Variants in MGME1 observed in about 807,000 individuals in gnomAD.
The protein encoded by MGME1 is mitochondrial genome maintenance exonuclease 1.
Under a neutral mutation model 33.0 loss-of-function variants are expected in MGME1, and 22 were observed. The ratio of observed to expected loss-of-function variants is 0.67; its 90% CI spans 0.48 to 0.95. MGME1 has a LOEUF of 0.95. Among genes scored for constraint, MGME1 ranks in the 40% least tolerant of loss-of-function variants. The pLI is 0.00. For synonymous variants in MGME1, 133 were observed against 144.0 expected, an observed-to-expected ratio of 0.92 and a Z score of 0.55; for missense variants, 383 against 397.8, an observed-to-expected ratio of 0.96 and a Z score of 0.32.
intron 2 of MGME1, among the ~76,000 whole-genome samples, chr20:17,975,259 A>G (rs544983855): frequency 6.6e-6 from 1 of 152,026 alleles, no homozygotes; most frequent in Non-Finnish European, 1.5e-5. Context: ...TCACTTAAAA[A>G]TAACTAATGT....
intron 4 of MGME1, among the ~76,000 whole-genome samples, chr20:17,988,712 A>T (rs2122629457): frequency 6.6e-6 from 1 of 152,136 alleles, no homozygotes; most frequent in South Asian, 2.1e-4. Flanking sequence ...GTAAAAAAAA[A>T]AAAAGTTAAA....
chr20:17,986,565 GCC>G (rs991275048), intron 3 of MGME1, among the ~76,000 whole-genome samples: 1 of 151,778 alleles, frequency 6.6e-6, no homozygotes, highest in Non-Finnish European at 1.5e-5. Context: ...TCACCATGTT[GCC>G]CAGGCTGGTC....
chr20:17,973,233 A>C (rs1353181607), intron 2 of MGME1, among the ~76,000 whole-genome samples: 3 of 152,178 alleles, frequency 2.0e-5, no homozygotes, highest in African/African-American at 7.2e-5. Context: ...AATCCCAGCT[A>C]CTACGGAGGC....
At chr20:17,974,862 A>G (rs1283499767) in intron 2 of MGME1, among the ~76,000 whole-genome samples, 3 of 151,970 alleles carry the variant, frequency 2.0e-5, no homozygotes, top group Non-Finnish European at 4.4e-5. Flanking sequence ...CATAATATCA[A>G]ATTCATAACT....
intron 4 of MGME1, 58 bp from the exon 5 acceptor site, chr20:17,989,881 G>A (rs545627603): frequency 5.2e-6 from 8 of 1,529,546 alleles, no homozygotes; most frequent in Middle Eastern, 1.7e-4. Flanking sequence ...AGAAGGAAAC[G>A]AACCTAAACT....
At chr20:17,972,591 G>C in intron 2 of MGME1, 1 of 880,460 alleles carries the variant, frequency 1.1e-6, no homozygotes, top group Non-Finnish European at 1.4e-6. Context: ...TACTTTGAGT[G>C]AATAAGCAGA....
intron 3 of MGME1, among the ~76,000 whole-genome samples, chr20:17,985,615 A>G (rs959384440): frequency 2.0e-5 from 3 of 152,206 alleles, no homozygotes; most frequent in African/African-American, 7.2e-5. Flanking sequence ...AATCACCCAG[A>G]GCAACTTCTA....
intron 4 of MGME1, among the ~76,000 whole-genome samples, chr20:17,989,046 A>T (rs1196459478): frequency 6.6e-6 from 1 of 151,630 alleles, no homozygotes; most frequent in East Asian, 2.0e-4. Context: ...CCGAGATTGT[A>T]CCACTGCACT....
rs16978668 is a variant in MGME1, at chr20:17,969,488, C to A, written c.-59-313C>A. On this transcript the variant is annotated intron_variant, in intron 1 of 4. Transcript: ENST00000377710. ...CGTCTGTCACCTAGGACTGTGTGGC[C>A]GCCATGGGACGGGCTCCATCTTTGT... Among the ~76,000 whole-genome samples, 23 of 152,300 alleles carry A rather than the reference C, an allele frequency of 1.5e-4. No individual in the cohort carries two copies. The East Asian group carries it at 3.1e-3, about 20-fold the overall frequency.
At position 17,990,417 on chromosome 20, in the gene MGME1, G is replaced by GGC; in HGVS notation, c.*309_*310insCG. On this transcript the variant is annotated 3_prime_UTR_variant, in exon 5 of 5. Coordinates refer to ENST00000377710, the MANE Select transcript of MGME1 (RefSeq NM_052865.4). ...TACTCCCTTGAGGGACATTGGGGGGGGGGGGGCGTGGTCCCAGGCAGGATG... is the reference window on the plus strand; with the variant it reads ...TACTCCCTTGAGGGACATTGGGGGGGGCGGGGGGCGTGGTCCCAGGCAGGATG... 1 of 340,108 alleles carries GGC rather than the reference G, an allele frequency of 2.9e-6. No individual in the cohort carries two copies. Among genetic ancestry groups the GGC allele is most frequent in the South Asian group, 3.6e-5 (1 of 27,878 alleles). 21.1% of individuals were successfully genotyped at this position (340,108 alleles called of 1,614,324 possible). A position where few individuals can be genotyped will look rare whatever the true frequency, so the allele number is the denominator to read the frequency against.
chr20:17,985,353 G>A (rs1241115601), intron 3 of MGME1, among the ~76,000 whole-genome samples: 1 of 152,192 alleles, frequency 6.6e-6, no homozygotes, highest in Non-Finnish European at 1.5e-5. Context: ...AACCTGGGAG[G>A]TGGAGGTTGC....
rs952003356 is a variant in MGME1 at position 17,983,832 on chromosome 20, A to G, written c.732-4334A>G. 7.2e-5 allele frequency among the ~76,000 whole-genome samples: 11 copies of G among 152,226 alleles called. No homozygotes were observed. The East Asian group carries it at 1.9e-3, about 27-fold the overall frequency. ...ATTTAGTTGTTTGAGTTCCTTATAT[A>G]CTTTGGATATTATCCCCTTATCAGA... On this transcript the variant is annotated intron_variant, in intron 3 of 4. Coordinates refer to ENST00000377710, the MANE Select transcript of MGME1 (RefSeq NM_052865.4).
intron 2 of MGME1, among the ~76,000 whole-genome samples, chr20:17,974,603 C>G (rs1244282528): frequency 6.6e-6 from 1 of 152,086 alleles, no homozygotes. Context: ...TGAAATTTCT[C>G]TAGTATTCAC....
intron 4 of MGME1, 65 bp downstream of exon 4, chr20:17,988,363 C>A: frequency 6.5e-7 from 1 of 1,549,854 alleles, no homozygotes; most frequent in South Asian, 1.2e-5. Context: ...AACTCCGGGC[C>A]GGGCGCAGTG....
intron 3 of MGME1, among the ~76,000 whole-genome samples, chr20:17,983,151 C>T (rs1296271260): frequency 6.6e-6 from 1 of 152,108 alleles, no homozygotes; most frequent in Non-Finnish European, 1.5e-5. Flanking sequence ...TAAATGAAAT[C>T]ATGCAGTATT....
At chr20:17,980,355 T>C (rs1449074884) in intron 3 of MGME1, among the ~76,000 whole-genome samples, 3 of 151,840 alleles carry the variant, frequency 2.0e-5, no homozygotes, top group Admixed American at 1.3e-4. Flanking sequence ...TAATATGCTA[T>C]TAAGAGTAAC....
intron 3 of MGME1, among the ~76,000 whole-genome samples, chr20:17,984,152 AT>A (rs1568614822): frequency 2.0e-5 from 3 of 152,160 alleles, no homozygotes; most frequent in Non-Finnish European, 2.9e-5. Flanking sequence ...TCCTAACACA[AT>A]TGACAAAACA....
intron 3 of MGME1, among the ~76,000 whole-genome samples, chr20:17,986,706 T>C (rs897258498): frequency 6.6e-6 from 1 of 152,152 alleles, no homozygotes; most frequent in African/African-American, 2.4e-5. Flanking sequence ...TATAGATTGC[T>C]TTGGATAGTA....
In MGME1 at chr20:17,969,075, A is replaced by C. The variant is rs551942290; in HGVS notation, c.-126A>C. 3.3e-5 allele frequency: 5 copies of C among 152,576 alleles called. No individual in the cohort carries two copies. Among genetic ancestry groups the C allele is most frequent in the Admixed American group, 3.3e-4 (5 of 15,310 alleles). The allele number at this position is 152,576 out of a possible 1,614,324, so 9.5% of individuals were successfully genotyped here. A position where few individuals can be genotyped will look rare whatever the true frequency, so the allele number is the denominator to read the frequency against. ...AATTCGAAACCAAAGCGCGGGACGG[A>C]TGAAAGTACGGGTCGCGAGAGGTTG... On this transcript the variant is annotated 5_prime_UTR_variant, in exon 1 of 5. It removes an upstream start codon present in the reference 5' UTR. Transcript: ENST00000377710.
Sources: allele counts gnomAD v4.1 joint callset (sites outside exome capture counted in the v4.1 genomes callset), GRCh38; gene constraint gnomAD v4.1.1; transcripts MANE v1.5; gene names NCBI Gene and HGNC (gene_info 2026-07-23, HGNC 2026-07-21).